BCAS3: variants seen among roughly 807,000 people sequenced by gnomAD.
BCAS3 encodes the protein BCAS4/BCAS3 fusion.
In BCAS3, 53 loss-of-function variants were observed where a neutral mutation model predicts 116.1. The observed-to-expected ratio is 0.46, with a 90% CI of 0.37 to 0.57. The LOEUF is 0.57. BCAS3 is among the 20% of genes least tolerant of loss of function. The probability of loss-of-function intolerance (pLI) is 0.00; values close to 1 mark genes in which losing one functional copy is unlikely to be tolerated. For missense variants in BCAS3, 917 were observed against 1,165.4 expected (o/e 0.79, Z 3.10); for synonymous variants, 391 against 408.2 (o/e 0.96, Z 0.51).
intron 7 of BCAS3, among the ~76,000 whole-genome samples, chr17:60,856,552 G>A (rs1488652677): frequency 1.3e-5 from 2 of 152,060 alleles, no homozygotes; most frequent in African/African-American, 4.8e-5. Flanking sequence ...TTAGCCAGGT[G>A]TGGTGGTGTG....
At chr17:60,716,296 T>C (rs916916718) in intron 5 of BCAS3, among the ~76,000 whole-genome samples, 4 of 152,126 alleles carry the variant, frequency 2.6e-5, no homozygotes, top group Non-Finnish European at 5.9e-5. Context: ...TAAATGGATA[T>C]ACAACTTAAG....
chr17:61,369,246 C>T (rs992785104), intron 23 of BCAS3, among the ~76,000 whole-genome samples: 3 of 152,238 alleles, frequency 2.0e-5, no homozygotes, highest in African/African-American at 7.2e-5. Context: ...TTTGTGCTGA[C>T]AGAGGCTGCC....
intron 22 of BCAS3, among the ~76,000 whole-genome samples, chr17:61,096,020 T>G (rs887071971): frequency 6.6e-6 from 1 of 152,132 alleles, no homozygotes; most frequent in Admixed American, 6.5e-5. Flanking sequence ...TTTTTTGAGA[T>G]GGAGTCTTAC....
intron 19 of BCAS3, among the ~76,000 whole-genome samples, chr17:61,071,850 C>T (rs1406977928): frequency 1.3e-5 from 2 of 152,054 alleles, no homozygotes; most frequent in African/African-American, 4.8e-5. Context: ...TCAGACTTTT[C>T]AAAATTATTT....
At chr17:60,736,381 T>TAAAATAATGAGAC (rs2040963419) in intron 5 of BCAS3, among the ~76,000 whole-genome samples, 1 of 151,750 alleles carries the variant, frequency 6.6e-6, no homozygotes, top group African/African-American at 2.4e-5. Flanking sequence ...AGACGGTGTT[T>TAAAATAATGAGAC]CTCCATGTTG....
rs1029405060 is a variant in BCAS3 at position 60,994,221 on chromosome 17, ATT to A, written c.1486+3987_1486+3988del. ...TGCATTATTGAATATATTTTAAAAT[ATT>A]GTTTTTACTCATCACTACTTTGAAA... On this transcript the variant is annotated intron_variant, in intron 15 of 23. Transcript: ENST00000407086. This position sits in a 1 kb window ranked among gnomAD's most constrained non-coding sequence, Gnocchi z 4.4. Among the ~76,000 whole-genome samples, 2 of 151,972 alleles carry A rather than the reference ATT, an allele frequency of 1.3e-5. No homozygotes were observed. The highest frequency in any genetic ancestry group is 2.4e-5 in the African/African-American group (1 of 41,392).
At position 60,747,129 on chromosome 17, in the gene BCAS3, T is replaced by G. The variant is rs1352103617; in HGVS notation, c.322-69T>G. On this transcript the variant is annotated intron_variant, in intron 5 of 23. Coordinates refer to ENST00000407086, the MANE Select transcript of BCAS3 (RefSeq NM_017679.5). Reference sequence around the variant, plus strand: ...ATATTGTTATAAAATTTAGAAGATCTTGTTTTTATATAATACTGTTGTGAC... The same window carrying G: ...ATATTGTTATAAAATTTAGAAGATCGTGTTTTTATATAATACTGTTGTGAC... 5 of 1,044,500 alleles carry G rather than the reference T, an allele frequency of 4.8e-6. No individual in the cohort carries two copies. The African/African-American group carries it at 7.9e-5, about 17-fold the overall frequency. 64.7% of individuals were successfully genotyped at this position (1,044,500 alleles called of 1,614,324 possible).
At chr17:61,085,811 TCTGAG>T (rs2073046778) in intron 22 of BCAS3, among the ~76,000 whole-genome samples, 2 of 152,226 alleles carry the variant, frequency 1.3e-5, no homozygotes, top group Non-Finnish European at 2.9e-5. Flanking sequence ...ATAGTCACAT[TCTGAG>T]AATGCTAAGA....
intron 7 of BCAS3, among the ~76,000 whole-genome samples, chr17:60,856,448 G>A (rs775736726): frequency 2.0e-5 from 3 of 152,096 alleles, no homozygotes; most frequent in African/African-American, 4.8e-5. Context: ...CAGCACTTTC[G>A]GGGGCCAAGG....
At chr17:60,811,043 C>T (rs573388397) in intron 7 of BCAS3, 9 of 647,380 alleles carry the variant, frequency 1.4e-5, no homozygotes, top group South Asian at 4.5e-5. Context: ...GGAGCTGCTG[C>T]GTTGATTCTC....
chr17:61,287,173 G>A (rs2051893339), intron 22 of BCAS3, among the ~76,000 whole-genome samples: 2 of 151,148 alleles, frequency 1.3e-5, no homozygotes, highest in South Asian at 2.1e-4. Flanking sequence ...GCGTGAACCC[G>A]GGAGGCAGAG....
intron 15 of BCAS3, among the ~76,000 whole-genome samples, chr17:61,005,295 T>C (rs2145492325): frequency 6.6e-6 from 1 of 152,234 alleles, no homozygotes; most frequent in Non-Finnish European, 1.5e-5. Flanking sequence ...CTTTTTCTTT[T>C]TTTTTGGTAA....
At chr17:60,902,585 A>G in intron 10 of BCAS3, 35 bp from the exon 11 acceptor site, 1 of 1,510,516 alleles carries the variant, frequency 6.6e-7, no homozygotes, top group Non-Finnish European at 9.2e-7. Context: ...ATTAATAGAA[A>G]TGACGTTCTG....
At chr17:61,164,385 G>A (rs1452392348) in intron 22 of BCAS3, among the ~76,000 whole-genome samples, 1 of 152,086 alleles carries the variant, frequency 6.6e-6, no homozygotes, top group Non-Finnish European at 1.5e-5. Flanking sequence ...GGGCATGGTA[G>A]TTCACACCTG....
chr17:61,127,226 A>T (rs2076091773), intron 22 of BCAS3, among the ~76,000 whole-genome samples: 1 of 152,136 alleles, frequency 6.6e-6, no homozygotes, highest in Non-Finnish European at 1.5e-5. Flanking sequence ...ATTATTGCTG[A>T]ATATTGTCCG....
chr17:61,352,768 C>G lies in BCAS3; in HGVS notation c.2426-15559C>G, dbSNP rs1383851057. On this transcript the variant is annotated intron_variant, in intron 22 of 23. Transcript: ENST00000407086. The surrounding 1 kb of genome is among the most constrained non-coding windows in gnomAD (Gnocchi z 4.7). The stretch of plus-strand genomic sequence containing the variant: ...GCAAGCCTGGACTCCCCACCCCTCT[C>G]CTCTAGGCAGTAAGGCCTGTAAGAG... Among the ~76,000 whole-genome samples, 2 of 152,192 alleles carry G rather than the reference C, an allele frequency of 1.3e-5. No individual in the cohort carries two copies. Among genetic ancestry groups the G allele is most frequent in the Non-Finnish European group, 2.9e-5 (2 of 68,036 alleles).
At chr17:60,731,709 G>A (rs1037199875) in intron 5 of BCAS3, among the ~76,000 whole-genome samples, 1 of 151,096 alleles carries the variant, frequency 6.6e-6, no homozygotes, top group African/African-American at 2.4e-5. Context: ...ATTTATTTGA[G>A]TAGTTTTAGG....
chr17:60,851,515 G>C, intron 7 of BCAS3: 1 of 597,068 alleles, frequency 1.7e-6, no homozygotes, highest in South Asian at 1.6e-5. Context: ...GCAAAGCATT[G>C]AAACCACCAT....
rs141931191 is a variant in BCAS3, at chr17:61,009,875, G to T, written c.1487-5876G>T. On this transcript the variant is annotated intron_variant, in intron 15 of 23. Coordinates refer to ENST00000407086, the MANE Select transcript of BCAS3 (RefSeq NM_017679.5). ...CAGAGGGTAAAGATAAAACAGAAGG[G>T]AGTCTAACTTTGCAGCCACATTACC... 5.6e-3 allele frequency among the ~76,000 whole-genome samples: 859 copies of T among 152,084 alleles called. 2 individuals carry two copies. Among genetic ancestry groups the T allele is most frequent in the Non-Finnish European group, 9.9e-3 (672 of 67,962 alleles).
Sources: gnomAD v4.1 joint callset for allele counts (sites outside exome capture counted in the v4.1 genomes callset) on GRCh38, gnomAD v4.1.1 for gene constraint, Gnocchi (gnomAD v3.1) non-coding constraint, MANE v1.5 for transcripts, NCBI Gene and HGNC (gene_info 2026-07-23, HGNC 2026-07-21) for gene names.